RNGTT: variants seen among roughly 807,000 people sequenced by gnomAD.
RNGTT encodes the protein mRNA-capping enzyme.
A neutral mutation model predicts 79.3 loss-of-function variants in RNGTT; 33 were observed. The observed-to-expected ratio is 0.42, with a 90% CI of 0.32 to 0.56. The LOEUF (loss-of-function observed/expected upper bound fraction) is 0.56, where lower values mean the gene tolerates loss of function less well. Ranked by LOEUF, RNGTT falls within the 20% of genes least tolerant of loss-of-function variation. The pLI is 0.17. For missense variants in RNGTT, 497 were observed against 739.1 expected (o/e 0.67, Z 3.80); for synonymous variants, 222 against 235.9 (o/e 0.94, Z 0.54).
At chr6:88,699,435 A>C (rs1775869535) in intron 13 of RNGTT, among the ~76,000 whole-genome samples, 2 of 152,226 alleles carry the variant, frequency 1.3e-5, no homozygotes, top group Admixed American at 1.3e-4. Context: ...CTGTAATCCT[A>C]ACATTTTTGG....
intron 9 of RNGTT, among the ~76,000 whole-genome samples, chr6:88,852,662 A>G (rs1354178497): frequency 6.6e-6 from 1 of 152,182 alleles, no homozygotes; most frequent in Admixed American, 6.5e-5. Flanking sequence ...TACAAAAATC[A>G]AAATGTCCAA....
intron 13 of RNGTT, among the ~76,000 whole-genome samples, chr6:88,747,798 A>G (rs186756374): frequency 3.3e-5 from 5 of 152,302 alleles, no homozygotes; most frequent in Admixed American, 3.3e-4. Context: ...TTTCCTATGG[A>G]GCTATACATT....
intron 8 of RNGTT, among the ~76,000 whole-genome samples, chr6:88,873,888 C>T (rs1782431548): frequency 6.6e-6 from 1 of 152,132 alleles, no homozygotes. Context: ...TATAGACATA[C>T]TCATTGATCT....
At chr6:88,799,640 C>T (rs1283275593) in intron 12 of RNGTT, among the ~76,000 whole-genome samples, 1 of 139,776 alleles carries the variant, frequency 7.2e-6, no homozygotes, top group Non-Finnish European at 1.5e-5. Flanking sequence ...GCAGAGGTTG[C>T]AGTGAGCCAA....
At chr6:88,945,502 T>C (rs1226084973) in intron 1 of RNGTT, among the ~76,000 whole-genome samples, 3 of 152,190 alleles carry the variant, frequency 2.0e-5, no homozygotes, top group African/African-American at 7.2e-5. Flanking sequence ...CCTCCATCAA[T>C]TTCTAGCTAT....
intron 11 of RNGTT, among the ~76,000 whole-genome samples, chr6:88,815,712 T>A (rs1780292793): frequency 6.6e-6 from 1 of 152,342 alleles, no homozygotes; most frequent in Middle Eastern, 3.4e-3. Context: ...GACTGTAGAA[T>A]GATGCGATAG....
Position 88,953,259 on chromosome 6 carries a change from T to C in RNGTT, c.64+10087A>G, listed in dbSNP as rs549442451. Among the ~76,000 whole-genome samples, 6 of 151,996 alleles carry C rather than the reference T, an allele frequency of 3.9e-5. No individual in the cohort carries two copies. In the South Asian group the frequency reaches 1.2e-3, roughly 32 times the overall value. ...GGATGAAAAATTCTCCAGAGAGAAA[T>C]AGAGATCATAAAGAAAAAACAATCA... On this transcript the variant is annotated intron_variant, in intron 1 of 15. Transcript: ENST00000369485.
At chr6:88,919,065 A>T (rs1784083720) in intron 4 of RNGTT, among the ~76,000 whole-genome samples, 3 of 152,226 alleles carry the variant, frequency 2.0e-5, no homozygotes, top group Non-Finnish European at 4.4e-5. Context: ...ATTTATAGAT[A>T]GGGTTATAAA....
At chr6:88,886,490 T>C (rs1032339472) in intron 8 of RNGTT, among the ~76,000 whole-genome samples, 2 of 152,176 alleles carry the variant, frequency 1.3e-5, no homozygotes, top group Non-Finnish European at 2.9e-5. Context: ...TGTAATAATA[T>C]AAGATGTTAA....
chr6:88,907,242 T>A (rs1783682379), intron 4 of RNGTT, among the ~76,000 whole-genome samples: 1 of 152,230 alleles, frequency 6.6e-6, no homozygotes, highest in African/African-American at 2.4e-5. Context: ...CAATTTGTAA[T>A]CCCCACAATC....
At chr6:88,834,755 C>A (rs1781006086) in intron 11 of RNGTT, among the ~76,000 whole-genome samples, 1 of 151,976 alleles carries the variant, frequency 6.6e-6, no homozygotes, top group South Asian at 2.1e-4. Context: ...TAGTCTTGAA[C>A]AGACACTTAA....
intron 14 of RNGTT, among the ~76,000 whole-genome samples, chr6:88,648,987 G>T (rs1773690790): frequency 6.6e-6 from 1 of 152,128 alleles, no homozygotes; most frequent in South Asian, 2.1e-4. Context: ...ACCATCAATA[G>T]GTTCTTGGAA....
intron 14 of RNGTT, among the ~76,000 whole-genome samples, chr6:88,617,830 C>T (rs2127846788): frequency 6.6e-6 from 1 of 151,236 alleles, no homozygotes; most frequent in Non-Finnish European, 1.5e-5. Flanking sequence ...TTATTTGTAT[C>T]TTCTTTGATT....
chr6:88,763,504 G>A (rs1323437499), intron 13 of RNGTT, among the ~76,000 whole-genome samples: 2 of 152,112 alleles, frequency 1.3e-5, no homozygotes, highest in Non-Finnish European at 2.9e-5. Flanking sequence ...CAACATCCAT[G>A]TGTAAGGACT....
At chr6:88,896,974 A>T (rs898042065) in intron 6 of RNGTT, among the ~76,000 whole-genome samples, 1 of 152,138 alleles carries the variant, frequency 6.6e-6, no homozygotes, top group Non-Finnish European at 1.5e-5. Context: ...CAATCATTTC[A>T]AACCACTCTA....
intron 13 of RNGTT, among the ~76,000 whole-genome samples, chr6:88,695,270 G>A (rs374603988): frequency 1.3e-5 from 2 of 152,018 alleles, no homozygotes; most frequent in African/African-American, 4.8e-5. Flanking sequence ...CATTTGATAA[G>A]GGATTAATAC....
At chr6:88,898,876 C>A (rs1218367944) in intron 6 of RNGTT, among the ~76,000 whole-genome samples, 71 of 147,496 alleles carry the variant, frequency 4.8e-4, no homozygotes, top group African/African-American at 1.6e-3. Context: ...AAAAAAAAAA[C>A]TCATCTTTAA....
At chr6:88,927,224 G>A (rs1312151843) in intron 4 of RNGTT, among the ~76,000 whole-genome samples, 1 of 152,164 alleles carries the variant, frequency 6.6e-6, no homozygotes, top group East Asian at 1.9e-4. Flanking sequence ...GGTTGGTTAT[G>A]TAGAAAACAT....
chr6:88,887,787 A>G (rs575650899), intron 8 of RNGTT, among the ~76,000 whole-genome samples: 422 of 152,312 alleles, frequency 2.8e-3, no homozygotes, highest in Non-Finnish European at 5.3e-3. Context: ...CCCAAAGCTT[A>G]CCATGATACT....
Sources: gnomAD v4.1 joint callset for allele counts (sites outside exome capture counted in the v4.1 genomes callset) on GRCh38, gnomAD v4.1.1 for gene constraint, MANE v1.5 for transcripts, NCBI Gene and HGNC (gene_info 2026-07-23, HGNC 2026-07-21) for gene names.